Variants in AGPAT3 observed in about 807,000 individuals in gnomAD.
AGPAT3 encodes the protein 1-acyl-sn-glycerol-3-phosphate acyltransferase gamma.
AGPAT3 carries 5 observed loss-of-function variants against 47.3 expected under a neutral mutation model. That is an observed-to-expected ratio of 0.11 (90% CI 0.06 to 0.22). The LOEUF (loss-of-function observed/expected upper bound fraction) is 0.22. AGPAT3 is among the 10% of genes least tolerant of loss of function. The pLI, the probability that AGPAT3 is intolerant of heterozygous loss-of-function variation, is 1.00. For missense variants in AGPAT3, 315 were observed against 493.0 expected (o/e 0.64, Z 3.42); for synonymous variants, 212 against 208.3 (o/e 1.02, Z -0.15).
intron 2 of AGPAT3, among the ~76,000 whole-genome samples, chr21:43,923,136 G>A (rs1169544178): frequency 6.6e-6 from 1 of 152,010 alleles, no homozygotes; most frequent in African/African-American, 2.4e-5. Context: ...GTGCCATGAG[G>A]CTCGCAGCCT....
chr21:43,918,221 GGTTGTGGGT>G (rs1013370393), intron 2 of AGPAT3, among the ~76,000 whole-genome samples: 3 of 151,072 alleles, frequency 2.0e-5, no homozygotes, highest in East Asian at 2.0e-4. Context: ...GTGTTGCGGC[GGTTGTGGGT>G]GTTGTGGGTG....
intron 1 of AGPAT3, among the ~76,000 whole-genome samples, chr21:43,894,095 T>C (rs896700545): frequency 6.6e-6 from 1 of 152,208 alleles, no homozygotes; most frequent in African/African-American, 2.4e-5. Flanking sequence ...CTGGCGTTCA[T>C]GCTCGTGAGT....
intron 1 of AGPAT3, among the ~76,000 whole-genome samples, chr21:43,895,766 GT>G (rs1436733484): frequency 1.3e-5 from 2 of 151,364 alleles, no homozygotes; most frequent in African/African-American, 4.9e-5. Context: ...TTTGTTCTTT[GT>G]TTTTCGTGGG....
chr21:43,906,327 C>A (rs2086492747), intron 2 of AGPAT3, among the ~76,000 whole-genome samples: 2 of 151,338 alleles, frequency 1.3e-5, no homozygotes, highest in Admixed American at 6.6e-5. Context: ...CACTGCAGCT[C>A]CCCCCCGCCC....
intron 7 of AGPAT3, among the ~76,000 whole-genome samples, chr21:43,975,663 G>A (rs1429259820): frequency 1.3e-5 from 2 of 152,242 alleles, no homozygotes; most frequent in Non-Finnish European, 2.9e-5. Context: ...CCTCCTGGGC[G>A]CTGGGAGCAC....
chr21:43,926,351 C>T (rs965696130), intron 2 of AGPAT3, among the ~76,000 whole-genome samples: 3 of 152,220 alleles, frequency 2.0e-5, no homozygotes, highest in Non-Finnish European at 2.9e-5. Context: ...AGCTGTTTCT[C>T]TGGGGACCAC....
intron 1 of AGPAT3, among the ~76,000 whole-genome samples, chr21:43,871,834 A>AT (rs1213942812): frequency 6.6e-6 from 1 of 152,012 alleles, no homozygotes; most frequent in Non-Finnish European, 1.5e-5. Flanking sequence ...TGCATTATAT[A>AT]TTTTTCCCAG....
intron 2 of AGPAT3, among the ~76,000 whole-genome samples, chr21:43,945,151 G>A (rs1159763024): frequency 6.6e-6 from 1 of 152,232 alleles, no homozygotes; most frequent in Non-Finnish European, 1.5e-5. Context: ...GTTTGCATAT[G>A]TGCACATCCA....
intron 1 of AGPAT3, among the ~76,000 whole-genome samples, chr21:43,879,123 G>C (rs1028858305): frequency 1.3e-5 from 2 of 152,104 alleles, no homozygotes; most frequent in Non-Finnish European, 2.9e-5. Flanking sequence ...GCTGAGGCAG[G>C]CTGATCACTC....
Position 43,885,279 on chromosome 21 carries a change from C to T in AGPAT3, c.-111-18678C>T, listed in dbSNP as rs117106792. Among the ~76,000 whole-genome samples the T allele has an allele frequency of 7.1e-3, 1,075 of 152,352 alleles. 6 individuals carry two copies. The highest frequency in any genetic ancestry group is 0.019 in the South Asian group (90 of 4,834). On this transcript the variant is annotated intron_variant, in intron 1 of 9. Transcript: ENST00000291572. ...GCTGCTTTTGCGTCATTGATGCAGA[C>T]GCGGAGACTCACTTCTCTGCTTCGT...
chr21:43,892,215 G>T (rs1349173833), intron 1 of AGPAT3, among the ~76,000 whole-genome samples: 1 of 151,902 alleles, frequency 6.6e-6, no homozygotes, highest in Non-Finnish European at 1.5e-5. Context: ...GCCGAGACAG[G>T]AGAATCGCTT....
intron 1 of AGPAT3, among the ~76,000 whole-genome samples, chr21:43,891,563 G>T (rs755572897): frequency 5.3e-5 from 8 of 151,966 alleles, no homozygotes; most frequent in Non-Finnish European, 7.4e-5. Flanking sequence ...AACCCGGGAG[G>T]TGGAGTTTGC....
chr21:43,910,265 G>C (rs1202684190), intron 2 of AGPAT3, among the ~76,000 whole-genome samples: 1 of 152,206 alleles, frequency 6.6e-6, no homozygotes, highest in South Asian at 2.1e-4. Context: ...TCCTGCGCCC[G>C]TGAGAGGGTG....
At chr21:43,881,812 C>T (rs928891643) in intron 1 of AGPAT3, among the ~76,000 whole-genome samples, 8 of 152,096 alleles carry the variant, frequency 5.3e-5, no homozygotes, top group African/African-American at 1.4e-4. Flanking sequence ...CATGCCACCA[C>T]GCCCGGCTAA....
intron 2 of AGPAT3, among the ~76,000 whole-genome samples, chr21:43,927,423 G>GA (rs2087094400): frequency 1.3e-5 from 2 of 152,138 alleles, no homozygotes; most frequent in Non-Finnish European, 2.9e-5. Context: ...AGGCTATCAG[G>GA]GCTGGTGCTC....
chr21:43,945,501 C>T lies in AGPAT3; in HGVS notation c.-48-14133C>T, dbSNP rs1415217045. Among the ~76,000 whole-genome samples, 8 of 152,220 alleles carry T rather than the reference C, an allele frequency of 5.3e-5. No homozygotes were observed. The East Asian group carries it at 7.7e-4, about 15-fold the overall frequency. ...TTTCTGACTTTATATCTGGACAGGG[C>T]GCCGTAATGGTAGACGATGGCCGAG... is the stretch of plus-strand genomic sequence containing the variant. On this transcript the variant is annotated intron_variant, in intron 2 of 9. Transcript: ENST00000291572.
chr21:43,950,496 A>C (rs1249818542), intron 2 of AGPAT3, among the ~76,000 whole-genome samples: 1 of 152,238 alleles, frequency 6.6e-6, no homozygotes, highest in African/African-American at 2.4e-5. Context: ...CTAAAATTTT[A>C]GTTGAATGCT....
chr21:43,985,533 T>G lies in AGPAT3; in HGVS notation c.*3141T>G. 3.7e-6 allele frequency: 1 copy of G among 269,290 alleles called. No individual in the cohort carries two copies. Among genetic ancestry groups the G allele is most frequent in the Non-Finnish European group, 7.3e-6 (1 of 137,266 alleles). 16.7% of individuals were successfully genotyped at this position (269,290 alleles called of 1,614,324 possible). A position where few individuals can be genotyped will look rare whatever the true frequency, so the allele number is the denominator to read the frequency against. Reference sequence around the variant, plus strand: ...TTGCGGTATTGCTGAGCATTGATGTTGATTTGAAGGAAAAGCCGTGGTTGG... The same window carrying G: ...TTGCGGTATTGCTGAGCATTGATGTGGATTTGAAGGAAAAGCCGTGGTTGG... On this transcript the variant is annotated 3_prime_UTR_variant, in exon 10 of 10. Transcript: ENST00000291572.
At chr21:43,936,624 T>C (rs2087457314) in intron 2 of AGPAT3, among the ~76,000 whole-genome samples, 1 of 152,264 alleles carries the variant, frequency 6.6e-6, no homozygotes, top group Non-Finnish European at 1.5e-5. Flanking sequence ...ATACTTCTGT[T>C]CTATCACAGC....
Sources: allele counts gnomAD v4.1 joint callset (sites outside exome capture counted in the v4.1 genomes callset), GRCh38; gene constraint gnomAD v4.1.1; transcripts MANE v1.5; gene names NCBI Gene and HGNC (gene_info 2026-07-23, HGNC 2026-07-21).